The following SIN3B variants were observed in gnomAD, a reference collection of about 807,000 sequenced individuals.
The protein encoded by SIN3B is paired amphipathic helix protein Sin3b.
In SIN3B, 19 loss-of-function variants were observed where a neutral mutation model predicts 120.2. The observed-to-expected ratio is 0.16, with a 90% confidence interval of 0.11 to 0.23. The LOEUF (loss-of-function observed/expected upper bound fraction) is 0.23, where lower values mean the gene tolerates loss of function less well. Ranked by LOEUF, SIN3B falls within the 10% of genes least tolerant of loss-of-function variation. The probability of loss-of-function intolerance (pLI) is 1.00; values close to 1 mark genes in which losing one functional copy is unlikely to be tolerated. For synonymous variants in SIN3B, 654 were observed against 653.2 expected (o/e 1.00, Z -0.02); for missense variants, 1,073 against 1,573.0 (o/e 0.68, Z 5.38).
chr19:16,869,394 A>T, intron 12 of SIN3B, 66 bp from the exon 13 acceptor site: 1 of 1,502,854 alleles, frequency 6.7e-7, no homozygotes, highest in Non-Finnish European at 8.9e-7. Context: ...CGAGTCGTGA[A>T]TGGGCACTGG....
chr19:16,831,221 C>G (rs1275816196), intron 2 of SIN3B, among the ~76,000 whole-genome samples: 4 of 152,070 alleles, frequency 2.6e-5, no homozygotes, highest in African/African-American at 4.8e-5. Flanking sequence ...CACCACCACT[C>G]CAAGTTCGTT....
At chr19:16,841,421 A>G (rs1445983924) in intron 3 of SIN3B, among the ~76,000 whole-genome samples, 1 of 151,940 alleles carries the variant, frequency 6.6e-6, no homozygotes, top group African/African-American at 2.4e-5. Context: ...GGCGTGGGAG[A>G]CTTCTCTATT....
At chr19:16,875,248 T>C (rs1485046452) in intron 14 of SIN3B, among the ~76,000 whole-genome samples, 1 of 143,796 alleles carries the variant, frequency 7.0e-6, no homozygotes, top group African/African-American at 2.6e-5. Flanking sequence ...GTCTGTTTGG[T>C]CTGGTCTGGT....
At chr19:16,850,094 G>T (rs1207457122) in intron 5 of SIN3B, among the ~76,000 whole-genome samples, 2 of 151,582 alleles carry the variant, frequency 1.3e-5, no homozygotes, top group Admixed American at 1.3e-4. Context: ...ATAGCCTTGA[G>T]TTTTGGTAAT....
In SIN3B at chr19:16,847,167, C is replaced by G. The variant is rs929820177; in HGVS notation, c.726+54C>G. The G allele has an allele frequency of 1.2e-4, 182 of 1,568,288 alleles. No individual in the cohort carries two copies. In the East Asian group the frequency reaches 4.1e-3, roughly 35 times the overall value. On this transcript the variant is annotated intron_variant, in intron 5 of 18. Transcript: ENST00000248054. Reference sequence around the variant, plus strand: ...CGGGGGCCTCAGCGAGGACGGAGGGCCCCAGCCAGCTTGACCCATGTCCGG... The same window carrying G: ...CGGGGGCCTCAGCGAGGACGGAGGGGCCCAGCCAGCTTGACCCATGTCCGG...
At position 16,878,239 on chromosome 19, in the gene SIN3B, G is replaced by A. The variant is rs375234398; in HGVS notation, c.3011G>A (p.Gly1004Asp). The change falls in exon 18 of 19, where the codon GGT becomes GAT. Residue 1004 changes from glycine to aspartate, a missense_variant. This residue lies in a region of SIN3B where 311 missense variants were observed against 400.3 expected (regional missense o/e 0.78). Transcript: ENST00000248054. ...WQSEQARALRGEARSSWKRLV... is the reference protein window; with the variant it reads ...WQSEQARALRDEARSSWKRLV... ...AGCGAGCAGGCGCGGGCCCTGCGCGGTGAGGCCAGGAGCTCCTGGAAGCGG... is the reference window on the plus strand; with the variant it reads ...AGCGAGCAGGCGCGGGCCCTGCGCGATGAGGCCAGGAGCTCCTGGAAGCGG... 1.0e-5 allele frequency: 16 copies of A among 1,599,192 alleles called. 1 individual carries two copies. The Middle Eastern group carries it at 4.9e-4, about 49-fold the overall frequency.
intron 12 of SIN3B, among the ~76,000 whole-genome samples, chr19:16,867,627 A>C (rs1169975370): frequency 6.6e-6 from 1 of 152,188 alleles, no homozygotes; most frequent in Non-Finnish European, 1.5e-5. Flanking sequence ...CCACCTGGGC[A>C]GGGGGTGTTG....
chr19:16,835,918 G>C (rs1007461017), intron 3 of SIN3B, among the ~76,000 whole-genome samples: 4 of 152,134 alleles, frequency 2.6e-5, no homozygotes, highest in Admixed American at 2.0e-4. Context: ...TGGGATTACA[G>C]GTGTGACCCA....
At chr19:16,874,965 T>C (rs1254380383) in intron 14 of SIN3B, among the ~76,000 whole-genome samples, 1 of 151,772 alleles carries the variant, frequency 6.6e-6, no homozygotes, top group African/African-American at 2.4e-5. Context: ...CTGGTTTTGG[T>C]CTGGTCTGAT....
intron 4 of SIN3B, among the ~76,000 whole-genome samples, chr19:16,844,863 A>T (rs1180179670): frequency 6.6e-6 from 1 of 152,178 alleles, no homozygotes; most frequent in African/African-American, 2.4e-5. Flanking sequence ...AGGTCATCTG[A>T]AATCAGACAG....
chr19:16,851,641 G>A, intron 6 of SIN3B, 107 bp downstream of exon 6: 2 of 1,397,928 alleles, frequency 1.4e-6, no homozygotes, highest in South Asian at 1.5e-5. Context: ...GTTCGGGGCT[G>A]GACCGGGGGC....
intron 4 of SIN3B, among the ~76,000 whole-genome samples, chr19:16,844,678 C>T (rs933302973): frequency 1.3e-5 from 2 of 152,354 alleles, no homozygotes; most frequent in Middle Eastern, 3.4e-3. Context: ...AAAACTTCCT[C>T]AGGGACACCT....
At chr19:16,871,159 T>C (rs1412122249) in intron 13 of SIN3B, 70 bp from the exon 14 acceptor site, 12 of 1,594,280 alleles carry the variant, frequency 7.5e-6, no homozygotes, top group Non-Finnish European at 1.0e-5. Context: ...GGCTCTGTCA[T>C]GCCAGAGTTT....
intron 8 of SIN3B, among the ~76,000 whole-genome samples, chr19:16,857,539 G>GTC (rs1971632468): frequency 7.1e-6 from 1 of 140,124 alleles, no homozygotes; most frequent in Admixed American, 7.2e-5. Context: ...GTGTGTGTGT[G>GTC]TGTGTGTGTG....
chr19:16,864,017 G>C (rs1971726068), intron 10 of SIN3B, among the ~76,000 whole-genome samples: 1 of 152,198 alleles, frequency 6.6e-6, no homozygotes, highest in South Asian at 2.1e-4. Context: ...GTTTGGGCTG[G>C]GCGTAGTGGC....
At chr19:16,867,641 C>G (rs747413728) in intron 12 of SIN3B, among the ~76,000 whole-genome samples, 5 of 152,196 alleles carry the variant, frequency 3.3e-5, no homozygotes, top group African/African-American at 9.6e-5. Flanking sequence ...GGTGTTGCCT[C>G]ACCTGATTTG....
chr19:16,868,308 G>A (rs577689704), intron 12 of SIN3B, among the ~76,000 whole-genome samples: 14 of 152,274 alleles, frequency 9.2e-5, no homozygotes, highest in African/African-American at 3.4e-4. Context: ...CGCCTTGCAG[G>A]GGAGGAGGAA....
intron 4 of SIN3B, among the ~76,000 whole-genome samples, chr19:16,844,951 G>A (rs1156998395): frequency 6.6e-6 from 1 of 152,146 alleles, no homozygotes; most frequent in African/African-American, 2.4e-5. Context: ...ACATGGGAGG[G>A]GGTGCTGGCG....
chr19:16,871,858 G>A (rs952122408), intron 14 of SIN3B, among the ~76,000 whole-genome samples: 1 of 152,170 alleles, frequency 6.6e-6, no homozygotes. Context: ...GAGCAATGCT[G>A]CTCTGAACAT....
Sources: allele counts gnomAD v4.1 joint callset (sites outside exome capture counted in the v4.1 genomes callset), GRCh38; gene constraint gnomAD v4.1.1; regional missense constraint gnomAD v4.1.1; transcripts MANE v1.5; gene names NCBI Gene and HGNC (gene_info 2026-07-23, HGNC 2026-07-21).